LRIT1: variants seen among roughly 807,000 people sequenced by gnomAD.
LRIT1 encodes the protein leucine-rich repeat, immunoglobulin-like domain and transmembrane domain-containing protein 1.
In LRIT1, 23 loss-of-function variants were observed where a neutral mutation model predicts 24.0. That is an observed-to-expected ratio of 0.96 (90% CI 0.69 to 1.36). The LOEUF is 1.36. Among genes scored for constraint, LRIT1 ranks in the 40% most tolerant of loss-of-function variants. The probability of loss-of-function intolerance (pLI) is 0.00; values close to 1 mark genes in which losing one functional copy is unlikely to be tolerated. For missense variants in LRIT1, 846 were observed against 806.3 expected, an observed-to-expected ratio of 1.05 and a Z score of -0.60; for synonymous variants, 361 against 340.5, an observed-to-expected ratio of 1.06 and a Z score of -0.66.
At chr10:84,235,737 A>G (rs913516964) in intron 2 of LRIT1, among the ~76,000 whole-genome samples, 2 of 152,000 alleles carry the variant, frequency 1.3e-5, no homozygotes, top group Admixed American at 6.5e-5. Flanking sequence ...CAGCCGCCCA[A>G]GTAAGTGGGA....
intron 1 of LRIT1, 97 bp from the exon 2 acceptor site, chr10:84,237,783 T>C (rs1842664636): frequency 3.2e-6 from 3 of 935,016 alleles, no homozygotes; most frequent in Non-Finnish European, 4.8e-6. Context: ...TTCTGCCTGT[T>C]ATCACCGGAC....
intron 2 of LRIT1, among the ~76,000 whole-genome samples, chr10:84,235,901 G>A (rs896264848): frequency 3.3e-5 from 5 of 150,456 alleles, no homozygotes; most frequent in Non-Finnish European, 5.9e-5. Context: ...GTGAGCCCCC[G>A]TACCCGGCCC....
At position 84,237,326 on chromosome 10, in the gene LRIT1, G is replaced by C; in HGVS notation, c.483C>G (p.Asp161Glu). 1 of 1,550,986 alleles carries C rather than the reference G, an allele frequency of 6.4e-7. No homozygotes were observed. Among genetic ancestry groups the C allele is most frequent in the Non-Finnish European group, 8.7e-7 (1 of 1,146,980 alleles). ...ARFLENLTFLDLSSNQLMRLP... is the reference protein window; with the variant it reads ...ARFLENLTFLELSSNQLMRLP... ...GCCTCATCAGCTGGTTGCTGGAGAG[G>C]TCGAGGAAGGTGAGGTTCTCCAGGA... The change falls in exon 2 of 4, where the codon GAC becomes GAG. Residue 161 changes from aspartate (D) to glutamate (E), a missense_variant. Physicochemically the swap from Asp to Glu is conservative, Grantham distance 45. Transcript: ENST00000372105.
chr10:84,232,847 C>T lies in LRIT1; in HGVS notation c.952G>A (p.Val318Met). ...TAGTCTCCGGAGTCAAGGTGGGACA[C>T]TGCAGGCAGGCCCAGCAGAGTCCAG... ...TSWTLLGLPAVSHLDSGDYIC... is the reference protein window; with the variant it reads ...TSWTLLGLPAMSHLDSGDYIC... Residue 318 changes from valine (V) to methionine (M), a missense_variant, in exon 4 of 4, where the codon GTG becomes ATG. Physicochemically the swap from Val to Met is conservative, Grantham distance 21 (BLOSUM62 1). Transcript: ENST00000372105. 1 of 1,613,248 alleles carries T rather than the reference C, an allele frequency of 6.2e-7. No individual in the cohort carries two copies. The highest frequency in any genetic ancestry group is 8.5e-7 in the Non-Finnish European group (1 of 1,180,020).
Position 84,237,157 on chromosome 10 carries a change from A to G in LRIT1, c.589+63T>C. 3 of 1,252,052 alleles carry G rather than the reference A, an allele frequency of 2.4e-6. No individual in the cohort carries two copies. The African/African-American group carries it at 4.6e-5, about 19-fold the overall frequency. The allele number at this position is 1,252,052 out of a possible 1,614,324, so 77.6% of individuals were successfully genotyped here. A position where few individuals can be genotyped will look rare whatever the true frequency, so the allele number is the denominator to read the frequency against. On this transcript the variant is annotated intron_variant, in intron 2 of 3. Coordinates refer to ENST00000372105, the MANE Select transcript of LRIT1 (RefSeq NM_015613.3). ...AGGTATGATTTCAATTTTCCAAATA[A>G]TCGAAACTCAGGGAAGCGTGGTAAC...
At chr10:84,234,419 C>T (rs772707257) in intron 2 of LRIT1, 41 bp from the exon 3 acceptor site, 7 of 1,449,490 alleles carry the variant, frequency 4.8e-6, no homozygotes, top group Admixed American at 2.4e-5. Context: ...CAGATAGATA[C>T]TCAACGTCCT....
At position 84,234,147 on chromosome 10, in the gene LRIT1, C is replaced by A. The variant is rs372728854; in HGVS notation, c.821G>T (p.Arg274Leu). 1.7e-5 allele frequency: 27 copies of A among 1,612,432 alleles called. No individual in the cohort carries two copies. The highest frequency in any genetic ancestry group is 2.2e-5 in the Non-Finnish European group (26 of 1,179,212). The change falls in exon 3 of 4, where the codon CGC (arginine) becomes CTC (leucine). Residue 274 changes from arginine (R) to leucine (L), a missense_variant. Arg to Leu is a moderately radical substitution (Grantham distance 102). Coordinates refer to ENST00000372105, the MANE Select transcript of LRIT1 (RefSeq NM_015613.3). Reference protein sequence around the residue: ...RSLLGGTALLRCGATGVPGPE... With the variant: ...RSLLGGTALLLCGATGVPGPE... ...CCCAGGGACTCCAGTAGCTCCACAG[C>A]GTAGCAGTGCTGTGCCACCCAAAAG...
intron 1 of LRIT1, among the ~76,000 whole-genome samples, chr10:84,240,534 GA>G (rs1360796394): frequency 6.6e-6 from 1 of 152,176 alleles, no homozygotes; most frequent in Non-Finnish European, 1.5e-5. Context: ...AGAAGTTGGA[GA>G]AAAGATGATT....
rs749328674 is a variant in LRIT1, at chr10:84,234,275, T to A, written c.693A>T (p.Arg231Ser). ...PNLAFIETEL[R>S]CASPRSLAGV... ...CGGCCAGGCTACGTGGGCTGGCACA[T>A]CTCAGTTCAGTCTCAATGAAGGCCA... Residue 231 changes from arginine (R) to serine (S), a missense_variant, in exon 3 of 4, where the codon AGA becomes AGT. Arg to Ser is a moderately radical substitution (Grantham distance 110). Coordinates refer to ENST00000372105, the MANE Select transcript of LRIT1 (RefSeq NM_015613.3). The A allele has an allele frequency of 1.9e-6, 3 of 1,613,670 alleles. No individual in the cohort carries two copies. In the Admixed American group the frequency reaches 5.0e-5, roughly 27 times the overall value.
intron 1 of LRIT1, among the ~76,000 whole-genome samples, chr10:84,238,107 A>C (rs555326870): frequency 4.0e-4 from 61 of 152,302 alleles, no homozygotes; most frequent in African/African-American, 1.5e-3. Context: ...TAATCCCAGC[A>C]CTTTGGGAGG....
chr10:84,232,981 G>T, intron 3 of LRIT1, 78 bp from the exon 4 acceptor site: 8 of 1,478,508 alleles, frequency 5.4e-6, no homozygotes, highest in Non-Finnish European at 7.3e-6. Flanking sequence ...CAAGTTCACA[G>T]CCCCAGGTGG....
Position 84,236,898 on chromosome 10 carries a change from G to C in LRIT1, c.589+322C>G, listed in dbSNP as rs551686133. Among the ~76,000 whole-genome samples the C allele has an allele frequency of 5.9e-5, 9 of 152,316 alleles. No individual in the cohort carries two copies. In the South Asian group the frequency reaches 1.9e-3, roughly 32 times the overall value. On this transcript the variant is annotated intron_variant, in intron 2 of 3. Transcript: ENST00000372105. The stretch of plus-strand genomic sequence containing the variant: ...GATCTGGTTCACATGGTAAGCTGTT[G>C]GTTTGTTAAGAACAGGAAGGAACCG...
chr10:84,232,343 T>A lies in LRIT1; in HGVS notation c.1456A>T (p.Thr486Ser), dbSNP rs1246267874. 4.3e-6 allele frequency: 7 copies of A among 1,613,820 alleles called. No homozygotes were observed. The highest frequency in any genetic ancestry group is 1.3e-5 in the African/African-American group (1 of 74,914). The change falls in exon 4 of 4, where the codon ACT (threonine) becomes TCT (serine). Residue 486 changes from threonine (T) to serine (S), a missense_variant. Transcript: ENST00000372105. ...VQPGKTRVTI[T>S]GLLPKTKYVA... Reference sequence around the variant, plus strand: ...TACTTGGTCTTGGGCAACAGCCCAGTGATGGTCACTCTGGTCTTCCCAGGC... The same window carrying A: ...TACTTGGTCTTGGGCAACAGCCCAGAGATGGTCACTCTGGTCTTCCCAGGC...
At position 84,232,646 on chromosome 10, in the gene LRIT1, G is replaced by A; in HGVS notation, c.1153C>T (p.Gln385Ter). 1 of 1,613,606 alleles carries A rather than the reference G, an allele frequency of 6.2e-7. No homozygotes were observed. Residue 385 changes from glutamine (Q) to a stop codon, truncating the protein, a stop_gained, in exon 4 of 4, where the codon CAG becomes TAG. Coordinates refer to ENST00000372105, the MANE Select transcript of LRIT1 (RefSeq NM_015613.3). LOFTEE classifies it low-confidence loss of function (END_TRUNC). ...GCCAGGACAGCGGGTTTGGGAATCT[G>A]GGGGACATGCCTGGCCACCAGCTTG... ...NNKLVARHVP[Q>*]IPKPAVLATG...
rs768222670 is a variant in LRIT1, at chr10:84,241,393, G to C, written c.47C>G (p.Pro16Arg). The C allele has an allele frequency of 1.2e-6, 2 of 1,610,480 alleles. No individual in the cohort carries two copies. The highest frequency in any genetic ancestry group is 1.3e-5 in the African/African-American group (1 of 74,746). The change falls in exon 1 of 4, where the codon CCC (proline) becomes CGC (arginine). Residue 16 changes from proline to arginine, a missense_variant. Pro to Arg is a moderately radical substitution (Grantham distance 103). Transcript: ENST00000372105. ...GMLWLLALAW[P>R]PQARGFCPSQ... ...GGGGCAGAAGCCCCGGGCCTGGGGG[G>C]GCCACGCAAGGGCCAAGAGCCAGAG...
chr10:84,241,532 G>A lies in LRIT1; in HGVS notation c.-93C>T, dbSNP rs1170090178. 2.3e-5 allele frequency: 30 copies of A among 1,327,508 alleles called. No homozygotes were observed. Among genetic ancestry groups the A allele is most frequent in the Admixed American group, 8.9e-5 (3 of 33,702 alleles). The allele number at this position is 1,327,508 out of a possible 1,614,324, so 82.2% of individuals were successfully genotyped here. On this transcript the variant is annotated 5_prime_UTR_variant, in exon 1 of 4. Transcript: ENST00000372105. ...AAGCTCAGCAGCTGCCCACTTGCTC[G>A]CCAGCCCCTTACACCCCCTCCTGAG...
chr10:84,238,655 T>G (rs756049361), intron 1 of LRIT1, among the ~76,000 whole-genome samples: 4 of 152,144 alleles, frequency 2.6e-5, no homozygotes, highest in Non-Finnish European at 4.4e-5. Context: ...TTATGGGGTT[T>G]AAATGAGGTA....
Position 84,232,220 on chromosome 10 carries a change from G to A in LRIT1, c.1579C>T (p.Leu527Phe). 1 of 1,614,218 alleles carries A rather than the reference G, an allele frequency of 6.2e-7. No homozygotes were observed. Among genetic ancestry groups the A allele is most frequent in the East Asian group, 2.2e-5 (1 of 44,876 alleles). Residue 527 changes from leucine (L) to phenylalanine (F), a missense_variant, in exon 4 of 4, where the codon CTT (leucine) becomes TTT (phenylalanine). Physicochemically the swap from Leu to Phe is conservative, Grantham distance 22. Coordinates refer to ENST00000372105, the MANE Select transcript of LRIT1 (RefSeq NM_015613.3). Reference protein sequence around the residue: ...EVVDAENTQQLINVVVISVAI... With the variant: ...EVVDAENTQQFINVVVISVAI... ...ACACTGATCACCACCACATTGATAA[G>A]CTGCTGAGTGTTCTCAGCATCCACC...
intron 2 of LRIT1, among the ~76,000 whole-genome samples, chr10:84,234,651 C>G (rs980053227): frequency 1.3e-5 from 2 of 152,180 alleles, no homozygotes; most frequent in African/African-American, 4.8e-5. Flanking sequence ...ACTGACAAAA[C>G]CGGCAATTAC....
Sources: gnomAD v4.1 joint callset for allele counts (sites outside exome capture counted in the v4.1 genomes callset) on GRCh38, gnomAD v4.1.1 for gene constraint, MANE v1.5 for transcripts, NCBI Gene and HGNC (gene_info 2026-07-23, HGNC 2026-07-21) for gene names.